Variants in KIAA1217 observed in about 807,000 individuals in gnomAD.
KIAA1217 encodes the protein sickle tail protein homolog.
Under a neutral mutation model 163.9 loss-of-function variants are expected in KIAA1217, and 88 were observed. The observed-to-expected ratio is 0.54, with a 90% CI of 0.45 to 0.64. The LOEUF is 0.64. Ranked by LOEUF, KIAA1217 falls within the 30% of genes least tolerant of loss-of-function variation. The pLI, the probability that KIAA1217 is intolerant of heterozygous loss-of-function variation, is 0.00. For missense variants in KIAA1217, 2,372 were observed against 2,475.0 expected, an observed-to-expected ratio of 0.96 and a Z score of 0.88; for synonymous variants, 903 against 923.1, an observed-to-expected ratio of 0.98 and a Z score of 0.39.
At chr10:23,872,503 A>C (rs1405391796) in intron 1 of KIAA1217, among the ~76,000 whole-genome samples, 1 of 152,098 alleles carries the variant, frequency 6.6e-6, no homozygotes, top group Non-Finnish European at 1.5e-5. Context: ...GAGCCTTGCC[A>C]ACACTGCAGA....
chr10:24,090,163 T>C (rs1307000420), intron 2 of KIAA1217, among the ~76,000 whole-genome samples: 2 of 133,382 alleles, frequency 1.5e-5, no homozygotes, highest in African/African-American at 3.7e-5. Flanking sequence ...TTTTTCTTTT[T>C]CTTTTTTTTT....
At chr10:23,735,594 G>A (rs1838747717) in intron 1 of KIAA1217, among the ~76,000 whole-genome samples, 1 of 151,884 alleles carries the variant, frequency 6.6e-6, no homozygotes, top group South Asian at 2.1e-4. Flanking sequence ...CCTTATCTGT[G>A]AAATGCCTTT....
chr10:23,763,613 G>T (rs185129515), intron 1 of KIAA1217, among the ~76,000 whole-genome samples: 250 of 152,236 alleles, frequency 1.6e-3, no homozygotes, highest in South Asian at 3.5e-3. Context: ...ATGGATTAAA[G>T]ACTTAAATGT....
At chr10:23,879,834 G>C (rs974870357) in intron 1 of KIAA1217, among the ~76,000 whole-genome samples, 1 of 151,878 alleles carries the variant, frequency 6.6e-6, no homozygotes, top group African/African-American at 2.4e-5. Flanking sequence ...TGATAATGTA[G>C]GAGAAGGAAG....
chr10:24,280,475 G>GA (rs2077782129), intron 2 of KIAA1217, among the ~76,000 whole-genome samples: 1 of 152,172 alleles, frequency 6.6e-6, no homozygotes, highest in South Asian at 2.1e-4. Context: ...ATTCTAGATT[G>GA]AAAATGACCT....
intron 1 of KIAA1217, among the ~76,000 whole-genome samples, chr10:24,001,711 G>C (rs1292530894): frequency 6.6e-6 from 1 of 152,204 alleles, no homozygotes; most frequent in East Asian, 1.9e-4. Context: ...GTTTGCACCA[G>C]AGAAAGTTCT....
chr10:24,515,660 A>C (rs1038845424), intron 10 of KIAA1217, among the ~76,000 whole-genome samples: 1 of 152,230 alleles, frequency 6.6e-6, no homozygotes, highest in African/African-American at 2.4e-5. Flanking sequence ...TACAGGTACC[A>C]GTTGTACCCA....
rs2075692637 is a variant in KIAA1217, at chr10:24,545,946, T to C, written c.5454T>C (p.Ser1818=). 1 of 1,614,048 alleles carries C rather than the reference T, an allele frequency of 6.2e-7. No homozygotes were observed. The highest frequency in any genetic ancestry group is 1.3e-5 in the African/African-American group (1 of 74,922). The change falls in exon 21 of 21, where the codon TCT becomes TCC. Residue 1818 remains serine (S), a synonymous_variant. Coordinates refer to ENST00000376454, the MANE Select transcript of KIAA1217 (RefSeq NM_019590.5). ...GGAAAAGCAGTTCTCTGCCCTCTTCTAGTGGTGACAGCTCTAACCTCCCTA... is the reference window on the plus strand; with the variant it reads ...GGAAAAGCAGTTCTCTGCCCTCTTCCAGTGGTGACAGCTCTAACCTCCCTA... ...SSGKSSSLPS[S]SGDSSNLPNP...
At chr10:23,810,526 T>C (rs1588867056) in intron 1 of KIAA1217, among the ~76,000 whole-genome samples, 2 of 132,836 alleles carry the variant, frequency 1.5e-5, no homozygotes, top group Middle Eastern at 6.9e-3. Context: ...AGATAATCTA[T>C]ATATAGTATA....
intron 1 of KIAA1217, among the ~76,000 whole-genome samples, chr10:23,696,744 C>G (rs1464281919): frequency 6.6e-6 from 1 of 152,168 alleles, no homozygotes; most frequent in Non-Finnish European, 1.5e-5. Flanking sequence ...CACTCGCAGC[C>G]CATTAAGTGT....
At chr10:24,305,191 G>A (rs2041871152) in intron 2 of KIAA1217, among the ~76,000 whole-genome samples, 1 of 152,170 alleles carries the variant, frequency 6.6e-6, no homozygotes, top group South Asian at 2.1e-4. Context: ...CAAAATTGGG[G>A]AGATATTGTA....
chr10:24,284,713 G>A (rs780991491), intron 2 of KIAA1217, among the ~76,000 whole-genome samples: 7 of 152,176 alleles, frequency 4.6e-5, no homozygotes, highest in Non-Finnish European at 2.9e-5. Context: ...AAGTGCAGGT[G>A]TCTTTTTGGT....
chr10:23,991,747 A>T (rs1308610555), intron 1 of KIAA1217, among the ~76,000 whole-genome samples: 1 of 152,186 alleles, frequency 6.6e-6, no homozygotes, highest in Non-Finnish European at 1.5e-5. Context: ...AGGGAATGGC[A>T]TTCTAGGGAA....
At position 23,988,276 on chromosome 10, in the gene KIAA1217, G is replaced by A. The variant is rs180974162; in HGVS notation, c.-320-18949G>A. ...ATTGTTGCTCCGCGAGCAGGCGTCT[G>A]GGCTTTAGCAGATGTGGAATTTTTT... On this transcript the variant is annotated intron_variant, in intron 1 of 18. Transcript: ENST00000376462. Among the ~76,000 whole-genome samples the A allele has an allele frequency of 2.6e-3, 394 of 152,314 alleles. 3 individuals are homozygous for A. Among genetic ancestry groups the A allele is most frequent in the Middle Eastern group, 0.02 (6 of 294 alleles).
At position 24,153,033 on chromosome 10, in the gene KIAA1217, A is replaced by T. The variant is rs75811915; in HGVS notation, c.-170-66593A>T. The stretch of plus-strand genomic sequence containing the variant: ...TTCAGAACAGTGCCTGCTGGGTGCA[A>T]ATCCTCTGTTCTCCAGCTTTAGATC... On this transcript the variant is annotated intron_variant, in intron 2 of 18. Transcript: ENST00000376462. 3.1e-3 allele frequency among the ~76,000 whole-genome samples: 465 copies of T among 152,316 alleles called. 1 individual carries two copies. The highest frequency in any genetic ancestry group is 0.011 in the African/African-American group (439 of 41,574).
In KIAA1217 at chr10:23,780,438, CT is replaced by C. The variant is rs550760369; in HGVS notation, c.-321+85208del. Among the ~76,000 whole-genome samples the C allele has an allele frequency of 2.4e-4, 37 of 152,102 alleles. No individual in the cohort carries two copies. In the East Asian group the frequency reaches 6.8e-3, roughly 28 times the overall value. On this transcript the variant is annotated intron_variant, in intron 1 of 18. Coordinates refer to the KIAA1217 transcript ENST00000376462. ...CATATCCCATTTCCTGTTTAGTCAC[CT>C]TTTGTTTGTTTTGTTTTGCTTTGCT...
intron 8 of KIAA1217, among the ~76,000 whole-genome samples, chr10:24,499,461 G>A (rs570850785): frequency 1.8e-4 from 27 of 152,282 alleles, no homozygotes; most frequent in African/African-American, 4.1e-4. Context: ...GGCTGGGCGC[G>A]GTGGCCCACG....
chr10:23,950,107 T>C (rs1844258334), intron 1 of KIAA1217, among the ~76,000 whole-genome samples: 1 of 152,118 alleles, frequency 6.6e-6, no homozygotes, highest in South Asian at 2.1e-4. Context: ...ACCCCTCTAA[T>C]CCCACAACCC....
chr10:24,085,802 G>A lies in KIAA1217; in HGVS notation c.-171+78428G>A, dbSNP rs538113110. ...AGCCTAGGTAACATGGCAAAATCAC[G>A]TCTCTACAAAAAATACAAAAATTAG... On this transcript the variant is annotated intron_variant, in intron 2 of 18. Transcript: ENST00000376462. Among the ~76,000 whole-genome samples the A allele has an allele frequency of 2.6e-5, 4 of 152,004 alleles. No homozygotes were observed. In the South Asian group the frequency reaches 6.2e-4, roughly 24 times the overall value.
Sources: gnomAD v4.1 joint callset for allele counts (sites outside exome capture counted in the v4.1 genomes callset) on GRCh38, gnomAD v4.1.1 for gene constraint, MANE v1.5 for transcripts, NCBI Gene and HGNC (gene_info 2026-07-23, HGNC 2026-07-21) for gene names.